The following STK32A variants were observed in gnomAD, a reference collection of about 807,000 sequenced individuals.
The protein encoded by STK32A is serine/threonine-protein kinase 32A.
Under a neutral mutation model 53.2 loss-of-function variants are expected in STK32A, and 41 were observed. The ratio of observed to expected loss-of-function variants is 0.77; its 90% CI spans 0.60 to 1.00. STK32A has a LOEUF of 1.00. STK32A is among the 50% of genes least tolerant of loss of function. STK32A has a pLI of 0.00. For missense variants in STK32A, 458 were observed against 485.8 expected (o/e 0.94, Z 0.54); for synonymous variants, 166 against 162.8 (o/e 1.02, Z -0.15).
At position 147,279,328 on chromosome 5, in the gene STK32A, G is replaced by T. The variant is rs778536378; in HGVS notation, c.190G>T (p.Glu64Ter). 6.2e-7 allele frequency: 1 copy of T among 1,613,572 alleles called. No homozygotes were observed. The change falls in exon 4 of 13, where the codon GAA becomes TAA. Residue 64 changes from glutamate to a stop codon, truncating the protein, a stop_gained. Transcript: ENST00000397936. LOFTEE classifies it high-confidence loss of function. The stretch of plus-strand genomic sequence containing the variant: ...TAAACAAAAGTGCGTGGAGCGCAAT[G>T]AAGTGAGAAATGTCTTCAAGGAACT... ...MNKQKCVERN[E>*]VRNVFKELQI...
At chr5:147,295,139 A>G (rs1318965702) in intron 4 of STK32A, among the ~76,000 whole-genome samples, 1 of 152,204 alleles carries the variant, frequency 6.6e-6, no homozygotes, top group Non-Finnish European at 1.5e-5. Context: ...TTCCTCAATT[A>G]TTTTGTTTAT....
chr5:147,237,089 C>T (rs1430033935), intron 1 of STK32A, among the ~76,000 whole-genome samples: 1 of 151,986 alleles, frequency 6.6e-6, no homozygotes, highest in Non-Finnish European at 1.5e-5. Flanking sequence ...GAGGTGGGTG[C>T]ATCACAAGGT....
At chr5:147,279,190 C>T in intron 3 of STK32A, 57 bp from the exon 4 acceptor site, 2 of 1,524,950 alleles carry the variant, frequency 1.3e-6, no homozygotes, top group Non-Finnish European at 1.8e-6. Flanking sequence ...TTCTGTCTCT[C>T]ATCACCATGA....
chr5:147,307,246 A>G (rs1360948615), intron 4 of STK32A, among the ~76,000 whole-genome samples: 1 of 152,034 alleles, frequency 6.6e-6, no homozygotes, highest in Non-Finnish European at 1.5e-5. Flanking sequence ...TTTTTTTAAC[A>G]ATAAAAAATG....
At chr5:147,282,015 A>G (rs1348998614) in intron 4 of STK32A, among the ~76,000 whole-genome samples, 1 of 152,208 alleles carries the variant, frequency 6.6e-6, no homozygotes. Flanking sequence ...AGCATCATAT[A>G]TGAAGGAAAG....
rs577092271 is a variant in STK32A at position 147,383,677 on chromosome 5, T to C, written c.1097+172T>C. On this transcript the variant is annotated intron_variant, in intron 12 of 12. Transcript: ENST00000397936. ...CCTTTTTTGTAAGGTATTTAACATT[T>C]TTTAATTGATAAATTAGCCTAGCAT... Among the ~76,000 whole-genome samples the C allele has an allele frequency of 2.3e-3, 358 of 152,346 alleles. 2 individuals are homozygous for C. Among genetic ancestry groups the C allele is most frequent in the Non-Finnish European group, 3.9e-3 (265 of 68,038 alleles).
chr5:147,362,909 C>T (rs1756573257), intron 8 of STK32A, among the ~76,000 whole-genome samples: 1 of 151,738 alleles, frequency 6.6e-6, no homozygotes, highest in South Asian at 2.1e-4. Context: ...ATGGGAGACC[C>T]TGTGTCTACA....
intron 4 of STK32A, among the ~76,000 whole-genome samples, chr5:147,310,100 G>A (rs921718484): frequency 7.9e-5 from 12 of 152,116 alleles, no homozygotes; most frequent in African/African-American, 1.7e-4. Context: ...CCATTATGTC[G>A]TATTATTCCT....
At chr5:147,276,091 T>A (rs990950477) in intron 2 of STK32A, among the ~76,000 whole-genome samples, 1 of 152,134 alleles carries the variant, frequency 6.6e-6, no homozygotes, top group South Asian at 2.1e-4. Context: ...CCTGGTCAGC[T>A]TTTTTTAACA....
intron 8 of STK32A, among the ~76,000 whole-genome samples, chr5:147,369,388 A>G (rs1328086520): frequency 6.6e-6 from 1 of 152,130 alleles, no homozygotes; most frequent in Non-Finnish European, 1.5e-5. Context: ...TCACATTTAC[A>G]TATGCCCATT....
the STK32A span, chr5:147,399,258 GA>G: frequency 6.2e-7 from 1 of 1,613,158 alleles, no homozygotes; most frequent in Non-Finnish European, 8.5e-7. Flanking sequence ...GTGGCCTATT[GA>G]AATATAAGAA....
the STK32A span, among the ~76,000 whole-genome samples, chr5:147,398,865 T>A: frequency 6.6e-6 from 1 of 152,222 alleles, no homozygotes; most frequent in African/African-American, 2.4e-5. Context: ...TCTATTGGCC[T>A]CTGTCCCTGA....
intron 5 of STK32A, among the ~76,000 whole-genome samples, chr5:147,336,430 G>T (rs954220669): frequency 2.0e-5 from 3 of 151,892 alleles, no homozygotes; most frequent in African/African-American, 4.8e-5. Flanking sequence ...GCTTCCATCA[G>T]CATCCCTTCT....
chr5:147,395,556 C>T, the STK32A span: 8 of 1,609,296 alleles, frequency 5.0e-6, no homozygotes, highest in Non-Finnish European at 6.8e-6. Context: ...CTGTCCCACT[C>T]ACCTGACAGG....
chr5:147,263,360 C>G (rs1046177080), intron 2 of STK32A, among the ~76,000 whole-genome samples: 2 of 152,194 alleles, frequency 1.3e-5, no homozygotes, highest in Admixed American at 6.5e-5. Context: ...AATGTCCAAA[C>G]AGGGGTTTAG....
chr5:147,376,336 C>A (rs1051633798), intron 11 of STK32A, among the ~76,000 whole-genome samples: 1 of 152,098 alleles, frequency 6.6e-6, no homozygotes, highest in African/African-American at 2.4e-5. Flanking sequence ...TATTGCTTGT[C>A]TCTGAACTGT....
At chr5:147,285,806 G>T (rs1464942342) in intron 4 of STK32A, among the ~76,000 whole-genome samples, 5 of 152,102 alleles carry the variant, frequency 3.3e-5, no homozygotes, top group African/African-American at 7.2e-5. Context: ...ATGTTGGCAT[G>T]GATGCAGTGA....
In STK32A at chr5:147,323,913, T is replaced by A; in HGVS notation, c.276T>A (p.Asp92Glu). Reference protein sequence around the residue: ...FLVNLWYSFQDEEDMFMVVDL... With the variant: ...FLVNLWYSFQEEEDMFMVVDL... ...GTAATTCCAGGTATTCCTTCCAAGATGAGGAAGACATGTTCATGGTGGTGG... is the reference window on the plus strand; with the variant it reads ...GTAATTCCAGGTATTCCTTCCAAGAAGAGGAAGACATGTTCATGGTGGTGG... The change falls in exon 5 of 13, where the codon GAT (aspartate) becomes GAA (glutamate). Residue 92 changes from aspartate to glutamate, a missense_variant. Asp to Glu is a conservative substitution (Grantham distance 45). Coordinates refer to ENST00000397936, the MANE Select transcript of STK32A (RefSeq NM_001112724.2). The A allele has an allele frequency of 1.1e-5, 17 of 1,612,904 alleles. No homozygotes were observed. The highest frequency in any genetic ancestry group is 4.5e-5 in the East Asian group (2 of 44,872).
chr5:147,301,148 A>G (rs1561704245), intron 4 of STK32A, among the ~76,000 whole-genome samples: 4 of 152,316 alleles, frequency 2.6e-5, no homozygotes, highest in African/African-American at 7.2e-5. Context: ...AGGGAGAGAA[A>G]GAAAGTCCTG....
Sources: gnomAD v4.1 joint callset for allele counts (sites outside exome capture counted in the v4.1 genomes callset) on GRCh38, gnomAD v4.1.1 for gene constraint, MANE v1.5 for transcripts, NCBI Gene and HGNC (gene_info 2026-07-23, HGNC 2026-07-21) for gene names.